CCDC194: variants seen among roughly 807,000 people sequenced by gnomAD.
CCDC194 encodes coiled-coil domain containing 194, also known as coiled-coil domain-containing protein 194.
A neutral mutation model predicts 4.9 loss-of-function variants in CCDC194; 8 were observed. The observed-to-expected ratio is 1.65, with a 90% CI of 0.97 to 2.97. The LOEUF is 2.97. CCDC194 is among the 30% of genes most tolerant of loss of function. CCDC194 has a pLI of 0.00. For synonymous variants in CCDC194, 13 were observed against 17.0 expected (o/e 0.76, Z 0.58); for missense variants, 52 against 43.1 (o/e 1.21, Z -0.58).
chr19:17,389,548 A>G (rs916883103), downstream of CCDC194, among the ~76,000 whole-genome samples: 2 of 152,224 alleles, frequency 1.3e-5, no homozygotes, highest in East Asian at 3.9e-4. Context: ...ACTGATTTTG[A>G]TGTGTTTTTT....
intron 1 of CCDC194, 169 bp from the exon 2 acceptor site, chr19:17,392,015 A>G: frequency 1.6e-6 from 1 of 609,400 alleles, no homozygotes. Context: ...TGGCTTCTGA[A>G]GCCTGGGGCA....
downstream of CCDC194, among the ~76,000 whole-genome samples, chr19:17,388,137 C>T (rs532654384): frequency 4.0e-5 from 6 of 151,286 alleles, no homozygotes; most frequent in Admixed American, 6.6e-5. Context: ...CCGCCCGCCT[C>T]GGCCTCCCAA....
chr19:17,387,486 G>C (rs2074639937), downstream of CCDC194, among the ~76,000 whole-genome samples: 1 of 152,132 alleles, frequency 6.6e-6, no homozygotes, highest in African/African-American at 2.4e-5. Context: ...GGGAGGCCAA[G>C]GAGGGTGGAT....
intron 1 of CCDC194, among the ~76,000 whole-genome samples, chr19:17,393,503 G>A (rs938856572): frequency 1.3e-5 from 2 of 150,424 alleles, no homozygotes; most frequent in Admixed American, 6.6e-5. Flanking sequence ...ATTCTCCCGC[G>A]TTAGCCTCCT....
chr19:17,389,881 C>T (rs1269267465), downstream of CCDC194, among the ~76,000 whole-genome samples: 1 of 152,162 alleles, frequency 6.6e-6, no homozygotes, highest in East Asian at 1.9e-4. Context: ...AGGAGAATTG[C>T]TTGAACCTGG....
exon 2 of CCDC194, chr19:17,391,771 C>T: frequency 6.5e-7 from 1 of 1,535,728 alleles, no homozygotes. Context: ...CCGTTCTCGG[C>T]CCCCATCTGG....
downstream of CCDC194, among the ~76,000 whole-genome samples, chr19:17,389,763 G>C (rs762001413): frequency 2.6e-5 from 4 of 152,116 alleles, no homozygotes; most frequent in African/African-American, 7.2e-5. Flanking sequence ...TCAGGAGTTC[G>C]AGACCAGCCT....
At chr19:17,391,096 C>A (rs916552763) in intron 3 of CCDC194, 115 bp downstream of exon 3, 14 of 344,766 alleles carry the variant, frequency 4.1e-5, no homozygotes, top group African/African-American at 2.4e-4. Context: ...GCCCCCCCCC[C>A]ACCACAATTC....
intron 2 of CCDC194, 140 bp downstream of exon 2, chr19:17,391,609 GT>G: frequency 6.6e-7 from 1 of 1,523,044 alleles, no homozygotes; most frequent in Non-Finnish European, 8.8e-7. Flanking sequence ...TCTGCATGTT[GT>G]TTGCATTCTT....
At chr19:17,392,001 G>A in intron 1 of CCDC194, 155 bp from the exon 2 acceptor site, 1 of 698,422 alleles carries the variant, frequency 1.4e-6, no homozygotes, top group East Asian at 3.2e-5. Context: ...GTAAAATACA[G>A]AAGTGGCTTC....
intron 1 of CCDC194, among the ~76,000 whole-genome samples, chr19:17,393,301 C>T (rs778195510): frequency 1.6e-4 from 24 of 150,666 alleles, no homozygotes; most frequent in Non-Finnish European, 2.4e-4. Context: ...TGAGTTGGCA[C>T]ATGGAGGAGG....
At chr19:17,388,686 A>G (rs953411127), downstream of CCDC194, among the ~76,000 whole-genome samples, 1 of 151,298 alleles carries the variant, frequency 6.6e-6, no homozygotes, top group African/African-American at 2.4e-5. Flanking sequence ...AATTATTTGT[A>G]GAGACAGGGT....
In CCDC194 at chr19:17,392,248, G is replaced by A. The variant is rs113199853; in HGVS notation, c.325-402C>T. On this transcript the variant is annotated intron_variant, in intron 1 of 3. Transcript: ENST00000636079. Reference sequence around the variant, plus strand: ...AGCACTTTGGGAGACCGAGGCAGGCGGATCACTTGAGGCCAGGAGTTCGAG... The same window carrying A: ...AGCACTTTGGGAGACCGAGGCAGGCAGATCACTTGAGGCCAGGAGTTCGAG... The A allele has an allele frequency of 7.7e-3, 1,201 of 156,930 alleles. 11 individuals are homozygous for A. Among genetic ancestry groups the A allele is most frequent in the African/African-American group, 0.028 (1,147 of 41,550 alleles). The allele number at this position is 156,930 out of a possible 1,614,324, so 9.7% of individuals were successfully genotyped here. A position where few individuals can be genotyped will look rare whatever the true frequency, so the allele number is the denominator to read the frequency against.
At chr19:17,388,546 C>G (rs113222727), downstream of CCDC194, among the ~76,000 whole-genome samples, 1,710 of 152,126 alleles carry the variant, frequency 0.011, 12 homozygotes, top group Middle Eastern at 0.038. Flanking sequence ...ACCACAGGTG[C>G]ATGCCACCAT....
intron 1 of CCDC194, among the ~76,000 whole-genome samples, chr19:17,393,603 G>A (rs1028218669): frequency 3.3e-5 from 5 of 152,018 alleles, no homozygotes; most frequent in Admixed American, 2.6e-4. Context: ...TGGCCAGGCT[G>A]GTCTCGAACT....
At chr19:17,389,160 C>G (rs1568381388), downstream of CCDC194, among the ~76,000 whole-genome samples, 1 of 152,176 alleles carries the variant, frequency 6.6e-6, no homozygotes, top group East Asian at 1.9e-4. Context: ...TTGGAGGAGT[C>G]AAAGTTATGT....
Position 17,390,676 on chromosome 19 carries a change from AGGGGGCT to A in CCDC194, c.555-24_555-18del. 1 of 397,648 alleles carries A rather than the reference AGGGGGCT, an allele frequency of 2.5e-6. No individual in the cohort carries two copies. The highest frequency in any genetic ancestry group is 4.4e-6 in the Non-Finnish European group (1 of 225,408). The allele number at this position is 397,648 out of a possible 1,614,324, so 24.6% of individuals were successfully genotyped here. A position where few individuals can be genotyped will look rare whatever the true frequency, so the allele number is the denominator to read the frequency against. On this transcript the variant is annotated intron_variant, in intron 3 of 3. Transcript: ENST00000636079. This position sits in a 1 kb window ranked among gnomAD's most constrained non-coding sequence, Gnocchi z 5.5. Reference sequence around the variant, plus strand: ...AGGACGTTACTGCCGGGAAGGGGGAAGGGGGCTGTCAGCCTCTGGACCCCTGTCCCCA... The same window carrying A: ...AGGACGTTACTGCCGGGAAGGGGGAAGTCAGCCTCTGGACCCCTGTCCCCA...
At chr19:17,388,801 C>G (rs1467471755), downstream of CCDC194, among the ~76,000 whole-genome samples, 2 of 152,086 alleles carry the variant, frequency 1.3e-5, no homozygotes, top group East Asian at 3.9e-4. Flanking sequence ...CTGTGCCCAG[C>G]ATGATTTTCT....
intron 1 of CCDC194, among the ~76,000 whole-genome samples, chr19:17,392,811 G>A (rs141105760): frequency 3.4e-3 from 520 of 152,096 alleles, no homozygotes; most frequent in African/African-American, 0.01. Context: ...TGCAACCTCC[G>A]CCTGGGATTA....
Sources: gnomAD v4.1 joint callset for allele counts (sites outside exome capture counted in the v4.1 genomes callset) on GRCh38, gnomAD v4.1.1 for gene constraint, Gnocchi (gnomAD v3.1) non-coding constraint, MANE v1.5 for transcripts, NCBI Gene and HGNC (gene_info 2026-07-23, HGNC 2026-07-21) for gene names.